ATRNL1: variants seen among roughly 807,000 people sequenced by gnomAD.
ATRNL1 encodes attractin like 1, also known as attractin-like protein 1.
ATRNL1 carries 95 observed loss-of-function variants against 182.7 expected under a neutral mutation model. The ratio of observed to expected loss-of-function variants is 0.52; its 90% CI spans 0.44 to 0.62. The LOEUF (loss-of-function observed/expected upper bound fraction) is 0.62, where lower values mean the gene tolerates loss of function less well. Ranked by LOEUF, ATRNL1 falls within the 20% of genes least tolerant of loss-of-function variation. The pLI is 0.00. For synonymous variants in ATRNL1, 576 were observed against 568.3 expected (o/e 1.01, Z -0.19); for missense variants, 1,471 against 1,679.5 (o/e 0.88, Z 2.17).
At chr10:115,721,077 C>G (rs1947407181) in intron 26 of ATRNL1, among the ~76,000 whole-genome samples, 1 of 152,062 alleles carries the variant, frequency 6.6e-6, no homozygotes, top group Admixed American at 6.6e-5. Context: ...TTTTCCAGTC[C>G]TCATCTATTT....
intron 26 of ATRNL1, among the ~76,000 whole-genome samples, chr10:115,652,711 G>A (rs1860090119): frequency 6.6e-6 from 1 of 151,904 alleles, no homozygotes; most frequent in Admixed American, 6.6e-5. Flanking sequence ...TCTGCATACA[G>A]TTTACTTTTA....
chr10:115,243,860 T>C (rs1434932100), intron 10 of ATRNL1, among the ~76,000 whole-genome samples: 2 of 152,122 alleles, frequency 1.3e-5, no homozygotes, highest in African/African-American at 4.8e-5. Context: ...TCAACATAGG[T>C]TAAAACTGTT....
intron 1 of ATRNL1, among the ~76,000 whole-genome samples, chr10:115,097,748 A>AC (rs1221791941): frequency 6.6e-6 from 1 of 151,934 alleles, no homozygotes; most frequent in African/African-American, 2.4e-5. Context: ...ACACAGTGAA[A>AC]CCCCGTCTCT....
At chr10:115,664,097 A>T (rs1156725460) in intron 26 of ATRNL1, among the ~76,000 whole-genome samples, 1 of 152,028 alleles carries the variant, frequency 6.6e-6, no homozygotes, top group East Asian at 1.9e-4. Context: ...TCCTGTTCTC[A>T]TTGAGACTAC....
intron 28 of ATRNL1, among the ~76,000 whole-genome samples, chr10:115,872,775 C>T (rs1225028909): frequency 1.3e-5 from 2 of 152,218 alleles, no homozygotes; most frequent in East Asian, 1.9e-4. Context: ...GAAAGAGCAA[C>T]TGTAAATCAG....
At chr10:115,142,524 G>C (rs1564769962) in intron 5 of ATRNL1, among the ~76,000 whole-genome samples, 1 of 152,156 alleles carries the variant, frequency 6.6e-6, no homozygotes, top group Non-Finnish European at 1.5e-5. Flanking sequence ...AGCTATATCA[G>C]CTAAATATTC....
At chr10:115,826,696 G>A (rs1555092102) in intron 27 of ATRNL1, among the ~76,000 whole-genome samples, 1 of 152,228 alleles carries the variant, frequency 6.6e-6, no homozygotes, top group East Asian at 1.9e-4. Flanking sequence ...GACAGTGAGT[G>A]GGCACCTGAA....
Position 115,946,279 on chromosome 10 carries a change from G to T in ATRNL1, c.*1500G>T, listed in dbSNP as rs1953874396. ...GTTTACAGCTAATGCATAGTTACTT[G>T]CATGCCATGGTTGTACAGTAGCAGA... On this transcript the variant is annotated 3_prime_UTR_variant, in exon 29 of 29. Coordinates refer to ENST00000355044, the MANE Select transcript of ATRNL1 (RefSeq NM_207303.4). The T allele has an allele frequency of 6.6e-6, 1 of 152,164 alleles. No individual in the cohort carries two copies. The highest frequency in any genetic ancestry group is 1.5e-5 in the Non-Finnish European group (1 of 68,024). 9.4% of individuals were successfully genotyped at this position (152,164 alleles called of 1,614,324 possible). A position where few individuals can be genotyped will look rare whatever the true frequency, so the allele number is the denominator to read the frequency against.
chr10:115,655,811 T>G (rs922447756), intron 26 of ATRNL1, among the ~76,000 whole-genome samples: 3 of 152,262 alleles, frequency 2.0e-5, no homozygotes, highest in African/African-American at 7.2e-5. Flanking sequence ...AAGGATACTT[T>G]GAGCTGTTAG....
chr10:115,291,920 T>C (rs781956124), intron 15 of ATRNL1, among the ~76,000 whole-genome samples: 1 of 151,746 alleles, frequency 6.6e-6, no homozygotes, highest in Non-Finnish European at 1.5e-5. Flanking sequence ...TTTGAAATAA[T>C]TTGAGAAGAA....
chr10:115,462,078 C>A, intron 22 of ATRNL1, 43 bp downstream of exon 22: 1 of 1,421,834 alleles, frequency 7.0e-7, no homozygotes, highest in Admixed American at 2.0e-5. Flanking sequence ...TTATTGGACA[C>A]AATTTTTTTT....
intron 10 of ATRNL1, among the ~76,000 whole-genome samples, chr10:115,261,339 T>G (rs192010265): frequency 1.3e-5 from 2 of 152,318 alleles, no homozygotes; most frequent in Admixed American, 6.5e-5. Context: ...ACTTTAGGAT[T>G]ATATCTCCTA....
chr10:115,295,344 G>A (rs1554922211), intron 15 of ATRNL1, among the ~76,000 whole-genome samples: 1 of 152,102 alleles, frequency 6.6e-6, no homozygotes, highest in African/African-American at 2.4e-5. Flanking sequence ...CGTGTCTCAG[G>A]CCCAGGATAT....
chr10:115,215,841 T>A lies in ATRNL1; in HGVS notation c.1493T>A (p.Val498Asp). 1 of 1,585,922 alleles carries A rather than the reference T, an allele frequency of 6.3e-7. No individual in the cohort carries two copies. ...TTGCCAGGGAACAAATATGGATTGG[T>A]TGATGATCTTTATAAATATGAAGTT... ...KALPGNKYGL[V>D]DDLYKYEVNT... The change falls in exon 9 of 29, where the codon GTT becomes GAT. Residue 498 changes from valine to aspartate, a missense_variant. Coordinates refer to ENST00000355044, the MANE Select transcript of ATRNL1 (RefSeq NM_207303.4).
intron 26 of ATRNL1, among the ~76,000 whole-genome samples, chr10:115,687,364 G>C (rs2133964091): frequency 6.6e-6 from 1 of 152,148 alleles, no homozygotes; most frequent in African/African-American, 2.4e-5. Context: ...GTGCCATGTA[G>C]CATTTGCCCT....
At chr10:115,134,253 T>A (rs1201739392) in intron 5 of ATRNL1, among the ~76,000 whole-genome samples, 11 of 151,338 alleles carry the variant, frequency 7.3e-5, no homozygotes, top group Admixed American at 1.3e-4. Flanking sequence ...CAGGAGCTGG[T>A]TTTTTGAAAA....
chr10:115,761,284 T>C (rs782563286), intron 27 of ATRNL1, among the ~76,000 whole-genome samples: 9 of 152,186 alleles, frequency 5.9e-5, no homozygotes, highest in Non-Finnish European at 1.3e-4. Flanking sequence ...CTTTGTAAGT[T>C]TGCCTCTTTG....
chr10:115,408,394 C>G (rs1554958920), intron 20 of ATRNL1, among the ~76,000 whole-genome samples: 1 of 152,158 alleles, frequency 6.6e-6, no homozygotes, highest in Non-Finnish European at 1.5e-5. Context: ...AATGTCTGTT[C>G]AGATTATTTG....
At chr10:115,160,282 T>C (rs1208460146) in intron 6 of ATRNL1, 68 bp downstream of exon 6, 1 of 1,438,292 alleles carries the variant, frequency 7.0e-7, no homozygotes, top group Non-Finnish European at 9.5e-7. Context: ...TCTTTTTTTT[T>C]TAATTGTTGT....
Sources: allele counts gnomAD v4.1 joint callset (sites outside exome capture counted in the v4.1 genomes callset), GRCh38; gene constraint gnomAD v4.1.1; transcripts MANE v1.5; gene names NCBI Gene and HGNC (gene_info 2026-07-23, HGNC 2026-07-21).